DNAH7: variants seen among roughly 807,000 people sequenced by gnomAD.
DNAH7 encodes axonemal beta dynein heavy chain 7.
A neutral mutation model predicts 444.6 loss-of-function variants in DNAH7; 397 were observed. The ratio of observed to expected loss-of-function variants is 0.89; its 90% CI spans 0.82 to 0.97. The LOEUF is 0.97. DNAH7 is among the 50% of genes least tolerant of loss of function. DNAH7 has a pLI of 0.00. For synonymous variants in DNAH7, 1,636 were observed against 1,624.4 expected (o/e 1.01, Z -0.17); for missense variants, 4,902 against 4,800.8 (o/e 1.02, Z -0.62).
Position 195,939,367 on chromosome 2 carries a change from G to C in DNAH7, c.3079-2575C>G, listed in dbSNP as rs542307239. 7.2e-5 allele frequency among the ~76,000 whole-genome samples: 11 copies of C among 152,186 alleles called. No individual in the cohort carries two copies. The South Asian group carries it at 2.1e-3, about 29-fold the overall frequency. ...TAACACTGACTTTAAATTCCTCTAA[G>C]AATCGCCATCAAATCCTGGTACAGA... is the stretch of plus-strand genomic sequence containing the variant. On this transcript the variant is annotated intron_variant, in intron 19 of 64. Coordinates refer to ENST00000312428, the MANE Select transcript of DNAH7 (RefSeq NM_018897.3).
At chr2:195,752,263 C>T (rs1380330487) in intron 63 of DNAH7, among the ~76,000 whole-genome samples, 8 of 102,162 alleles carry the variant, frequency 7.8e-5, no homozygotes, top group African/African-American at 2.1e-4. Context: ...AATGTGAGAC[C>T]CTATCTCAAA....
chr2:196,029,113 G>C (rs1370642520), intron 5 of DNAH7, among the ~76,000 whole-genome samples: 2 of 152,128 alleles, frequency 1.3e-5, no homozygotes, highest in East Asian at 3.9e-4. Context: ...GGAGAGAAAA[G>C]GGTTGATTAT....
chr2:195,912,820 G>A (rs1687441307), intron 24 of DNAH7, among the ~76,000 whole-genome samples: 1 of 152,270 alleles, frequency 6.6e-6, no homozygotes, highest in Non-Finnish European at 1.5e-5. Flanking sequence ...AAGCTATTGA[G>A]GGATGAAACC....
chr2:195,792,745 A>T (rs144520118), intron 57 of DNAH7, among the ~76,000 whole-genome samples: 21 of 152,082 alleles, frequency 1.4e-4, no homozygotes, highest in African/African-American at 4.6e-4. Flanking sequence ...GTAATGATAA[A>T]GGGCCATGAT....
chr2:195,951,876 CTT>C (rs1158894045), intron 19 of DNAH7, among the ~76,000 whole-genome samples: 1 of 152,090 alleles, frequency 6.6e-6, no homozygotes, highest in Admixed American at 6.5e-5. Flanking sequence ...GGGCTTGACT[CTT>C]TATCCAATGT....
intron 57 of DNAH7, among the ~76,000 whole-genome samples, chr2:195,793,162 C>T (rs1411162185): frequency 6.6e-6 from 1 of 152,100 alleles, no homozygotes; most frequent in African/African-American, 2.4e-5. Context: ...ACCACAAACT[C>T]CTGGCCTCAA....
chr2:196,047,890 T>C (rs924674403), intron 4 of DNAH7, among the ~76,000 whole-genome samples: 7 of 151,998 alleles, frequency 4.6e-5, no homozygotes, highest in Admixed American at 6.6e-5. Context: ...ACACTACATT[T>C]AATGAGTCAA....
chr2:195,965,929 T>C (rs1691444710), intron 17 of DNAH7, among the ~76,000 whole-genome samples: 1 of 152,090 alleles, frequency 6.6e-6, no homozygotes, highest in African/African-American at 2.4e-5. Context: ...TTAATTTTTA[T>C]TGTTTTCTTC....
intron 23 of DNAH7, 75 bp downstream of exon 23, chr2:195,923,520 G>A (rs1272264648): frequency 7.1e-7 from 1 of 1,405,570 alleles, no homozygotes; most frequent in Non-Finnish European, 1.0e-6. Context: ...TATTTCCCAT[G>A]TGAGCAAGCA....
At chr2:195,938,637 G>C (rs1314656581) in intron 19 of DNAH7, among the ~76,000 whole-genome samples, 8 of 152,058 alleles carry the variant, frequency 5.3e-5, no homozygotes, top group Admixed American at 3.3e-4. Context: ...ATTTAAACCA[G>C]TATATTCCAT....
chr2:195,836,149 T>G (rs1698361766), intron 47 of DNAH7, among the ~76,000 whole-genome samples: 1 of 152,130 alleles, frequency 6.6e-6, no homozygotes, highest in Non-Finnish European at 1.5e-5. Context: ...CTCCCTCTTC[T>G]TACAAGGACA....
intron 2 of DNAH7, among the ~76,000 whole-genome samples, chr2:196,057,519 G>A (rs1697882194): frequency 6.6e-6 from 1 of 152,014 alleles, no homozygotes; most frequent in Non-Finnish European, 1.5e-5. Flanking sequence ...TAGAACTTTT[G>A]GTAATCTTGG....
chr2:196,030,951 C>T (rs1035537431), intron 5 of DNAH7, among the ~76,000 whole-genome samples: 1 of 152,228 alleles, frequency 6.6e-6, no homozygotes, highest in African/African-American at 2.4e-5. Context: ...GACAGTGGCC[C>T]TCTTCTCACA....
At chr2:195,980,568 T>G (rs562820327) in intron 15 of DNAH7, among the ~76,000 whole-genome samples, 10 of 152,292 alleles carry the variant, frequency 6.6e-5, no homozygotes, top group Admixed American at 1.3e-4. Flanking sequence ...TAGAAAACTT[T>G]AAGATAATAT....
chr2:195,954,290 T>A (rs1306007380), intron 19 of DNAH7, among the ~76,000 whole-genome samples: 1 of 152,218 alleles, frequency 6.6e-6, no homozygotes, highest in Non-Finnish European at 1.5e-5. Flanking sequence ...TGGTTTCCTG[T>A]CCTTGCAATA....
intron 57 of DNAH7, among the ~76,000 whole-genome samples, chr2:195,788,129 G>T (rs1695716172): frequency 6.6e-6 from 1 of 152,182 alleles, no homozygotes; most frequent in Non-Finnish European, 1.5e-5. Context: ...ATTTCACAAA[G>T]AGCTCAAGGG....
Position 195,957,262 on chromosome 2 carries a change from T to G in DNAH7, c.3077A>C (p.Gln1026Pro). 6.6e-7 allele frequency: 1 copy of G among 1,512,638 alleles called. No individual in the cohort carries two copies. The highest frequency in any genetic ancestry group is 2.4e-5 in the East Asian group (1 of 41,668). The allele number at this position is 1,512,638 out of a possible 1,614,324, so 93.7% of individuals were successfully genotyped here. The change falls in exon 19 of 65, where the codon CAG becomes CCG. Residue 1026 changes from glutamine (Q) to proline (P), a missense_variant and splice_region_variant. Coordinates refer to ENST00000312428, the MANE Select transcript of DNAH7 (RefSeq NM_018897.3). The part of the protein sequence containing the change: ...TWRDIMRSVM[Q>P]DKHVLTVVTI... Reference sequence around the variant, plus strand: ...ATTTTTGGAGATTTTTTCACCTACCTGCATGACACTTCTCATTATATCTCT... The same window carrying G: ...ATTTTTGGAGATTTTTTCACCTACCGGCATGACACTTCTCATTATATCTCT...
At position 195,754,522 on chromosome 2, in the gene DNAH7, G is replaced by A. The variant is rs1170221603; in HGVS notation, c.11587-8C>T. 4.3e-6 allele frequency: 7 copies of A among 1,612,328 alleles called. No homozygotes were observed. The highest frequency in any genetic ancestry group is 1.3e-5 in the African/African-American group (1 of 74,918). ...ACCAACCTCATACCATTGCTAGGGTGTAAAACACAAGTGGGCTAACAGTAG... is the reference window on the plus strand; with the variant it reads ...ACCAACCTCATACCATTGCTAGGGTATAAAACACAAGTGGGCTAACAGTAG... On this transcript the variant is annotated splice_polypyrimidine_tract_variant and splice_region_variant and intron_variant, in intron 62 of 64. Transcript: ENST00000312428.
rs544156133 is a variant in DNAH7 at position 195,977,214 on chromosome 2, A to T, written c.1834-4748T>A. 2.0e-5 allele frequency among the ~76,000 whole-genome samples: 3 copies of T among 152,346 alleles called. No homozygotes were observed. The South Asian group carries it at 6.2e-4, about 32-fold the overall frequency. On this transcript the variant is annotated intron_variant, in intron 15 of 64. Coordinates refer to ENST00000312428, the MANE Select transcript of DNAH7 (RefSeq NM_018897.3). ...TGAGATTTCAGACAGACAATTCAAA[A>T]TAGCTGTTTTCAGGAAACTCTTTGA... is the stretch of plus-strand genomic sequence containing the variant.
Sources: gnomAD v4.1 joint callset for allele counts (sites outside exome capture counted in the v4.1 genomes callset) on GRCh38, gnomAD v4.1.1 for gene constraint, MANE v1.5 for transcripts, NCBI Gene and HGNC (gene_info 2026-07-23, HGNC 2026-07-21) for gene names.